CCDC198: variants seen among roughly 807,000 people sequenced by gnomAD.
CCDC198 encodes the protein coiled-coil domain containing 198.
CCDC198 carries 18 observed loss-of-function variants against 35.6 expected under a neutral mutation model. That is an observed-to-expected ratio of 0.51 (90% confidence interval 0.35 to 0.75). The LOEUF (loss-of-function observed/expected upper bound fraction) is 0.75. Among genes scored for constraint, CCDC198 ranks in the 30% least tolerant of loss-of-function variants. The pLI is 0.01. For missense variants in CCDC198, 365 were observed against 343.7 expected (o/e 1.06, Z -0.49); for synonymous variants, 119 against 113.4 (o/e 1.05, Z -0.31).
chr14:57,476,022 C>T (rs994701086), intron 5 of CCDC198, among the ~76,000 whole-genome samples: 13 of 151,732 alleles, frequency 8.6e-5, no homozygotes, highest in African/African-American at 1.9e-4. Context: ...AGGCTGGTCT[C>T]GAGCTCCTGA....
chr14:57,489,765 A>G (rs992666018), intron 2 of CCDC198, among the ~76,000 whole-genome samples: 1 of 152,156 alleles, frequency 6.6e-6, no homozygotes, highest in Non-Finnish European at 1.5e-5. Flanking sequence ...AGTACTAGAC[A>G]AATATTTTTT....
At chr14:57,483,415 T>C (rs1164941177) in intron 2 of CCDC198, 2 of 411,438 alleles carry the variant, frequency 4.9e-6, no homozygotes, top group Non-Finnish European at 8.9e-6. Context: ...ACTAAGATAC[T>C]CTTCTGTCTG....
chr14:57,485,045 A>G (rs2139528105), intron 2 of CCDC198, among the ~76,000 whole-genome samples: 1 of 152,300 alleles, frequency 6.6e-6, no homozygotes, highest in South Asian at 2.1e-4. Context: ...GTGTTATCAT[A>G]CCCTGTGATG....
intron 3 of CCDC198, among the ~76,000 whole-genome samples, chr14:57,482,346 A>G (rs779621206): frequency 1.1e-4 from 16 of 152,140 alleles, no homozygotes; most frequent in South Asian, 2.1e-4. Flanking sequence ...GTGGATAGTG[A>G]CTGTCAGCTG....
At position 57,471,550 on chromosome 14, in the gene CCDC198, C is replaced by A. The variant is rs756816449; in HGVS notation, c.696G>T (p.Val232=). The A allele has an allele frequency of 6.2e-7, 1 of 1,610,508 alleles. No individual in the cohort carries two copies. Among genetic ancestry groups the A allele is most frequent in the Non-Finnish European group, 8.5e-7 (1 of 1,177,594 alleles). Residue 232 remains valine, a synonymous_variant, in exon 6 of 6, where the codon GTG becomes GTT. Transcript: ENST00000216445. The part of the protein sequence containing the change: ...KNTEFLKHQA[V]NNYCPWKIGK... ...CAATTTTCCAGGGACAGTAGTTATT[C>A]ACTGCTTGATGTTTCAAAAATTCTG... is the stretch of plus-strand genomic sequence containing the variant.
chr14:57,472,981 A>G (rs2139459727), intron 5 of CCDC198, among the ~76,000 whole-genome samples: 1 of 152,360 alleles, frequency 6.6e-6, no homozygotes, highest in South Asian at 2.1e-4. Context: ...AGTTTATGTA[A>G]GCCCTTGATA....
chr14:57,491,061 G>C lies in CCDC198; in HGVS notation c.234C>G (p.Asp78Glu), dbSNP rs1371810597. 1.9e-6 allele frequency: 3 copies of C among 1,610,640 alleles called. No individual in the cohort carries two copies. The highest frequency in any genetic ancestry group is 2.5e-6 in the Non-Finnish European group (3 of 1,177,966). Reference protein sequence around the residue: ...WYGRYSTASRDMYFDIPLEHR... With the variant: ...WYGRYSTASREMYFDIPLEHR... Reference sequence around the variant, plus strand: ...GTTCCAGTGGGATGTCAAAATACATGTCTCTGGATGCTTGAAGGATTGGGG... The same window carrying C: ...GTTCCAGTGGGATGTCAAAATACATCTCTCTGGATGCTTGAAGGATTGGGG... Residue 78 changes from aspartate to glutamate, a missense_variant, in exon 2 of 6, where the codon GAC (aspartate) becomes GAG (glutamate). Physicochemically the swap from Asp to Glu is conservative, Grantham distance 45. Coordinates refer to ENST00000216445, the MANE Select transcript of CCDC198 (RefSeq NM_018168.4).
At chr14:57,493,435 C>T (rs1472725097) in intron 1 of CCDC198, 58 bp downstream of exon 1, 1 of 1,396,354 alleles carries the variant, frequency 7.2e-7, no homozygotes, top group Non-Finnish European at 1.0e-6. Context: ...TCAGATAAAC[C>T]TATTAATAAT....
chr14:57,491,669 T>C (rs1194446406), intron 1 of CCDC198, among the ~76,000 whole-genome samples: 1 of 152,106 alleles, frequency 6.6e-6, no homozygotes, highest in Non-Finnish European at 1.5e-5. Flanking sequence ...GTTAAGCCTC[T>C]ATTAGGAAAC....
chr14:57,480,957 C>A (rs756208029), intron 4 of CCDC198, among the ~76,000 whole-genome samples: 112 of 152,102 alleles, frequency 7.4e-4, no homozygotes, highest in Non-Finnish European at 1.3e-3. Flanking sequence ...GGTGAGTGCA[C>A]CCAGTCTCAA....
At chr14:57,482,460 C>A (rs1360269042) in intron 3 of CCDC198, among the ~76,000 whole-genome samples, 2 of 152,188 alleles carry the variant, frequency 1.3e-5, no homozygotes, top group East Asian at 1.9e-4. Flanking sequence ...GTCAGCCAGC[C>A]ACACAGCAGC....
chr14:57,481,677 A>T lies in CCDC198; in HGVS notation c.394-17T>A. Reference sequence around the variant, plus strand: ...TAGTACCTGCTATGAAAGACAACACACTTGTTAGTATGGGGTAATTTGTTA... The same window carrying T: ...TAGTACCTGCTATGAAAGACAACACTCTTGTTAGTATGGGGTAATTTGTTA... On this transcript the variant is annotated splice_polypyrimidine_tract_variant and intron_variant, in intron 3 of 5. Coordinates refer to ENST00000216445, the MANE Select transcript of CCDC198 (RefSeq NM_018168.4). 2 of 1,490,604 alleles carry T rather than the reference A, an allele frequency of 1.3e-6. No homozygotes were observed. Among genetic ancestry groups the T allele is most frequent in the Non-Finnish European group, 1.9e-6 (2 of 1,072,054 alleles). 92.3% of individuals were successfully genotyped at this position (1,490,604 alleles called of 1,614,324 possible).
In CCDC198 at chr14:57,471,420, G is replaced by A. The variant is rs144453893; in HGVS notation, c.826C>T (p.Arg276Ter). 403 of 1,613,952 alleles carry A rather than the reference G, an allele frequency of 2.5e-4. 2 individuals carry two copies. The highest frequency in any genetic ancestry group is 6.0e-4 in the African/African-American group (45 of 74,970). ...DEQGKDEKKP[R>*]ALVRTRTERI... Reference sequence around the variant, plus strand: ...TCTGTCCTGGTCCTCACCAGTGCTCGTGGCTTCTTCTCATCTTTCCCCTGC... The same window carrying A: ...TCTGTCCTGGTCCTCACCAGTGCTCATGGCTTCTTCTCATCTTTCCCCTGC... The change falls in exon 6 of 6, where the codon CGA becomes TGA. Residue 276 changes from arginine to a stop codon, truncating the protein, a stop_gained. Coordinates refer to ENST00000216445, the MANE Select transcript of CCDC198 (RefSeq NM_018168.4). LOFTEE classifies it high-confidence loss of function.
chr14:57,491,597 G>A (rs917033473), intron 1 of CCDC198, among the ~76,000 whole-genome samples: 15 of 152,160 alleles, frequency 9.9e-5, no homozygotes, highest in Admixed American at 3.9e-4. Flanking sequence ...AATTTCCACA[G>A]GTTGCCACTG....
chr14:57,479,416 T>C (rs537280964), intron 5 of CCDC198, among the ~76,000 whole-genome samples: 63 of 152,276 alleles, frequency 4.1e-4, no homozygotes, highest in African/African-American at 1.5e-3. Flanking sequence ...GATGTTGTTT[T>C]TAAGCTGACA....
intron 5 of CCDC198, among the ~76,000 whole-genome samples, chr14:57,471,844 A>G (rs924892699): frequency 6.6e-6 from 1 of 151,404 alleles, no homozygotes; most frequent in African/African-American, 2.4e-5. Context: ...ACACACACCT[A>G]TATACCCCAT....
chr14:57,481,780 C>G, intron 3 of CCDC198, 120 bp from the exon 4 acceptor site: 1 of 625,894 alleles, frequency 1.6e-6, no homozygotes, highest in Non-Finnish European at 2.7e-6. Flanking sequence ...GTAGAGATAT[C>G]TTGTGATGAC....
chr14:57,491,201 G>T lies in CCDC198; in HGVS notation c.224-130C>A, dbSNP rs920276502. Reference sequence around the variant, plus strand: ...TTCAGTTATATATGTCTAACCTGTGGGTTGAATGTGGAGATGAAACACAGA... The same window carrying T: ...TTCAGTTATATATGTCTAACCTGTGTGTTGAATGTGGAGATGAAACACAGA... On this transcript the variant is annotated intron_variant, in intron 1 of 5. Coordinates refer to ENST00000216445, the MANE Select transcript of CCDC198 (RefSeq NM_018168.4). The T allele has an allele frequency of 1.2e-5, 10 of 835,918 alleles. No homozygotes were observed. The Admixed American group carries it at 1.7e-4, about 14-fold the overall frequency. 51.8% of individuals were successfully genotyped at this position (835,918 alleles called of 1,614,324 possible).
At chr14:57,475,474 G>T in intron 5 of CCDC198, 1 of 1,228,694 alleles carries the variant, frequency 8.1e-7, no homozygotes, top group Non-Finnish European at 1.0e-6. Flanking sequence ...GGTGGCTCAT[G>T]CCTGTAATCG....
Sources: allele counts gnomAD v4.1 joint callset (sites outside exome capture counted in the v4.1 genomes callset), GRCh38; gene constraint gnomAD v4.1.1; transcripts MANE v1.5; gene names NCBI Gene and HGNC (gene_info 2026-07-23, HGNC 2026-07-21).